The following PGM5 variants were observed in gnomAD, a reference collection of about 807,000 sequenced individuals.
PGM5 encodes phosphoglucomutase-like protein 5.
A neutral mutation model predicts 59.2 loss-of-function variants in PGM5; 23 were observed. The ratio of observed to expected loss-of-function variants is 0.39; its 90% CI spans 0.28 to 0.55. The LOEUF (loss-of-function observed/expected upper bound fraction) is 0.55, where lower values mean the gene tolerates loss of function less well. Among genes scored for constraint, PGM5 ranks in the 20% least tolerant of loss-of-function variants. The probability of loss-of-function intolerance (pLI) is 0.66; values close to 1 mark genes in which losing one functional copy is unlikely to be tolerated. For synonymous variants in PGM5, 214 were observed against 286.0 expected, an observed-to-expected ratio of 0.75 and a Z score of 2.54; for missense variants, 574 against 748.3, an observed-to-expected ratio of 0.77 and a Z score of 2.72.
At chr9:68,379,333 C>G (rs1439408595) in intron 2 of PGM5, among the ~76,000 whole-genome samples, 2 of 152,150 alleles carry the variant, frequency 1.3e-5, no homozygotes, top group Admixed American at 6.6e-5. Flanking sequence ...GCAACAGTTA[C>G]CATTATAAAT....
At chr9:68,399,684 C>A (rs28422790) in intron 6 of PGM5, among the ~76,000 whole-genome samples, 2 of 151,256 alleles carry the variant, frequency 1.3e-5, no homozygotes, top group Non-Finnish European at 2.9e-5. Flanking sequence ...GATGAATTTG[C>A]GGAAGTTCCT....
chr9:68,458,591 A>G (rs1288044972), intron 6 of PGM5, among the ~76,000 whole-genome samples: 2 of 152,184 alleles, frequency 1.3e-5, no homozygotes, highest in Non-Finnish European at 2.9e-5. Flanking sequence ...ATACTATCCC[A>G]TTTGAACCTC....
intron 6 of PGM5, among the ~76,000 whole-genome samples, chr9:68,464,000 C>T (rs554518789): frequency 1.3e-5 from 2 of 152,248 alleles, no homozygotes; most frequent in East Asian, 3.9e-4. Context: ...CCATCATAAG[C>T]CAGATCCTGT....
chr9:68,444,107 C>CT (rs1350516275), intron 6 of PGM5, among the ~76,000 whole-genome samples: 2 of 146,462 alleles, frequency 1.4e-5, no homozygotes, highest in Non-Finnish European at 3.0e-5. Context: ...GAGTTCATGA[C>CT]TTTCTATTTT....
chr9:68,486,079 G>A (rs1215242019), intron 9 of PGM5, among the ~76,000 whole-genome samples: 2 of 152,160 alleles, frequency 1.3e-5, no homozygotes, highest in African/African-American at 2.4e-5. Context: ...AGGTAACATA[G>A]TGCAAAATAA....
intron 9 of PGM5, 84 bp from the exon 10 acceptor site, chr9:68,499,143 T>A: frequency 7.0e-7 from 1 of 1,436,428 alleles, no homozygotes; most frequent in African/African-American, 1.4e-5. Context: ...TATAAAAACA[T>A]GCTGATTTCT....
At chr9:68,427,178 A>G (rs1554682751) in intron 6 of PGM5, among the ~76,000 whole-genome samples, 3 of 152,190 alleles carry the variant, frequency 2.0e-5, no homozygotes, top group African/African-American at 7.2e-5. Flanking sequence ...TTAGTCTTGA[A>G]TCTGAGAATT....
intron 7 of PGM5, among the ~76,000 whole-genome samples, chr9:68,470,070 A>G (rs545613688): frequency 1.6e-4 from 24 of 152,328 alleles, no homozygotes; most frequent in African/African-American, 5.8e-4. Flanking sequence ...AATATTTTCA[A>G]TCATCATAAT....
At chr9:68,412,709 C>T (rs544217394) in intron 6 of PGM5, among the ~76,000 whole-genome samples, 152 of 152,302 alleles carry the variant, frequency 1.0e-3, no homozygotes, top group African/African-American at 3.5e-3. Flanking sequence ...ATTATATTTC[C>T]TCTAATTGGC....
chr9:68,509,805 A>G (rs1554689243), intron 10 of PGM5, among the ~76,000 whole-genome samples: 2 of 152,136 alleles, frequency 1.3e-5, no homozygotes, highest in African/African-American at 4.8e-5. Context: ...TGGGGTGGTT[A>G]GGGCAGAGAA....
At chr9:68,485,657 A>G (rs1373354956) in intron 9 of PGM5, among the ~76,000 whole-genome samples, 3 of 152,120 alleles carry the variant, frequency 2.0e-5, no homozygotes, top group Non-Finnish European at 2.9e-5. Context: ...TACAGTATTG[A>G]TTTCCCCCAA....
chr9:68,356,811 A>G lies in PGM5; in HGVS notation c.-317A>G. 3.5e-6 allele frequency: 1 copy of G among 287,084 alleles called. No homozygotes were observed. The highest frequency in any genetic ancestry group is 6.4e-6 in the Non-Finnish European group (1 of 155,814). 17.8% of individuals were successfully genotyped at this position (287,084 alleles called of 1,614,324 possible). On this transcript the variant is annotated 5_prime_UTR_variant, in exon 1 of 11. Coordinates refer to ENST00000396396, the MANE Select transcript of PGM5 (RefSeq NM_021965.4). ...GGCCCTGGAATCAGGCTTTTGGGAC[A>G]CCCCGAAAGTGAGTCCAACTTGGGG...
intron 1 of PGM5, among the ~76,000 whole-genome samples, chr9:68,358,542 G>A (rs1483495028): frequency 6.6e-6 from 1 of 152,188 alleles, no homozygotes; most frequent in South Asian, 2.1e-4. Flanking sequence ...TTTCTTTAAG[G>A]AAAGTGTCTT....
intron 6 of PGM5, among the ~76,000 whole-genome samples, chr9:68,462,854 A>G (rs782613602): frequency 6.6e-6 from 1 of 152,124 alleles, no homozygotes; most frequent in Non-Finnish European, 1.5e-5. Context: ...CTGATGATGA[A>G]ATTCATGTTA....
intron 6 of PGM5, among the ~76,000 whole-genome samples, chr9:68,407,301 A>T (rs1554681227): frequency 1.3e-5 from 2 of 151,930 alleles, no homozygotes; most frequent in African/African-American, 4.8e-5. Flanking sequence ...CTAATTTTTT[A>T]TTTTTATTTT....
At chr9:68,505,128 AT>A (rs1824634332) in intron 10 of PGM5, among the ~76,000 whole-genome samples, 1 of 152,224 alleles carries the variant, frequency 6.6e-6, no homozygotes, top group Non-Finnish European at 1.5e-5. Context: ...TCAGGAAGCA[AT>A]TCAGATTCAT....
At chr9:68,429,230 A>G (rs1564003327) in intron 6 of PGM5, 1 of 152,236 alleles carries the variant, frequency 6.6e-6, no homozygotes. Flanking sequence ...TACGATTACC[A>G]TAAAAATCTC....
At chr9:68,383,900 G>T (rs1327574253) in intron 2 of PGM5, among the ~76,000 whole-genome samples, 1 of 151,910 alleles carries the variant, frequency 6.6e-6, no homozygotes, top group Non-Finnish European at 1.5e-5. Flanking sequence ...ACTAGAGATT[G>T]TGAGTTGGGG....
chr9:68,477,965 G>T (rs1824132933), intron 7 of PGM5, among the ~76,000 whole-genome samples: 1 of 152,206 alleles, frequency 6.6e-6, no homozygotes, highest in African/African-American at 2.4e-5. Flanking sequence ...GGGTGATGGG[G>T]TCCCCATTTT....
Sources: gnomAD v4.1 joint callset for allele counts (sites outside exome capture counted in the v4.1 genomes callset) on GRCh38, gnomAD v4.1.1 for gene constraint, MANE v1.5 for transcripts, NCBI Gene and HGNC (gene_info 2026-07-23, HGNC 2026-07-21) for gene names.